Variants in PVT1 observed in about 807,000 individuals in gnomAD.
The protein encoded by PVT1 is CXCR4/PVT1 fusion.
intron 4 of PVT1, chr8:128,009,534 C>A (rs1188094085): frequency 1.3e-5 from 2 of 151,644 alleles, no homozygotes; most frequent in Non-Finnish European, 2.9e-5. Flanking sequence ...ATTAAATGAA[C>A]CTTTAACTAG....
intron 5 of PVT1, among the ~76,000 whole-genome samples, chr8:128,092,943 A>G (rs1814379182): frequency 6.6e-6 from 1 of 152,108 alleles, no homozygotes. Flanking sequence ...CTTGCTGCGC[A>G]CGGTGCCCCC....
chr8:127,863,376 C>G (rs914750203), intron 2 of PVT1, among the ~76,000 whole-genome samples: 1 of 152,178 alleles, frequency 6.6e-6, no homozygotes, highest in African/African-American at 2.4e-5. Context: ...TCCCAAAATG[C>G]TGGGATGACA....
intron 4 of PVT1, among the ~76,000 whole-genome samples, chr8:128,032,558 G>A (rs979057229): frequency 6.6e-6 from 1 of 152,152 alleles, no homozygotes; most frequent in African/African-American, 2.4e-5. Context: ...CCATAATTGC[G>A]TCAGTTAATT....
At chr8:127,972,774 G>T (rs1163648783) in intron 3 of PVT1, among the ~76,000 whole-genome samples, 1 of 152,086 alleles carries the variant, frequency 6.6e-6, no homozygotes, top group Non-Finnish European at 1.5e-5. Context: ...AAATAGCTTT[G>T]CCAGGGTTCC....
intron 4 of PVT1, among the ~76,000 whole-genome samples, chr8:128,034,034 A>G (rs1318864531): frequency 2.0e-5 from 3 of 150,210 alleles, no homozygotes; most frequent in Non-Finnish European, 2.9e-5. Flanking sequence ...CTGTGAGCTT[A>G]CAGGTGGTAC....
chr8:127,829,887 C>T (rs1814831652), intron 2 of PVT1, among the ~76,000 whole-genome samples: 1 of 152,176 alleles, frequency 6.6e-6, no homozygotes, highest in African/African-American at 2.4e-5. Flanking sequence ...CACATGAAGG[C>T]TCCGAAAAAT....
At chr8:127,869,756 A>G (rs1212743464) in intron 2 of PVT1, among the ~76,000 whole-genome samples, 2 of 152,176 alleles carry the variant, frequency 1.3e-5, no homozygotes, top group African/African-American at 4.8e-5. Context: ...CCCAAAATTC[A>G]TGCCTGTATG....
intron 4 of PVT1, chr8:128,049,312 G>A (rs998682870): frequency 4.3e-5 from 18 of 414,378 alleles, no homozygotes; most frequent in South Asian, 1.0e-4. Context: ...CAGGGCAAGG[G>A]AGAGTGAATG....
intron 2 of PVT1, among the ~76,000 whole-genome samples, chr8:127,874,906 GT>G (rs1488130222): frequency 5.7e-5 from 5 of 87,168 alleles, no homozygotes; most frequent in African/African-American, 3.6e-4. Context: ...GCCTCCAGGT[GT>G]GTGTGTGTGT....
chr8:127,988,805 T>G (rs1364856070), intron 3 of PVT1, among the ~76,000 whole-genome samples: 1 of 152,142 alleles, frequency 6.6e-6, no homozygotes, highest in African/African-American at 2.4e-5. Flanking sequence ...TACCTAGTAT[T>G]CTTGGAAGAA....
intron 3 of PVT1, among the ~76,000 whole-genome samples, chr8:127,937,584 G>C (rs867662875): frequency 0.017 from 2,151 of 128,568 alleles, 15 homozygotes; most frequent in African/African-American, 0.026. Flanking sequence ...CACACACAGA[G>C]AGAGAGAGAG....
At chr8:127,991,377 C>A (rs1183872741) in intron 4 of PVT1, among the ~76,000 whole-genome samples, 1 of 151,950 alleles carries the variant, frequency 6.6e-6, no homozygotes, top group Non-Finnish European at 1.5e-5. Flanking sequence ...ATCTCCTGAC[C>A]TTGTGATCTG....
chr8:128,008,989 CTA>C (rs1491009715), intron 4 of PVT1: 4 of 509,668 alleles, frequency 7.8e-6, no homozygotes, highest in Non-Finnish European at 1.7e-5. Flanking sequence ...TTGCAGCCAC[CTA>C]TTCCCAGGCA....
intron 3 of PVT1, among the ~76,000 whole-genome samples, chr8:127,938,774 G>A (rs893492154): frequency 6.6e-6 from 1 of 152,166 alleles, no homozygotes; most frequent in African/African-American, 2.4e-5. Flanking sequence ...TTGCCTTTGC[G>A]TTCCTCTGCC....
chr8:127,974,742 A>G (rs189215681), intron 3 of PVT1, among the ~76,000 whole-genome samples: 16 of 152,336 alleles, frequency 1.1e-4, no homozygotes. Context: ...GTCATTTATT[A>G]CACAGCATTG....
At chr8:127,804,719 C>A (rs1048210445) in intron 2 of PVT1, among the ~76,000 whole-genome samples, 7 of 140,714 alleles carry the variant, frequency 5.0e-5, no homozygotes, top group African/African-American at 1.8e-4. Context: ...CTTTCTTTTT[C>A]TTTTTTTTTT....
At chr8:127,872,626 A>G (rs1363119201) in intron 2 of PVT1, among the ~76,000 whole-genome samples, 2 of 152,210 alleles carry the variant, frequency 1.3e-5, no homozygotes, top group Non-Finnish European at 2.9e-5. Context: ...AATAACTTCA[A>G]ACACTACAGA....
intron 4 of PVT1, among the ~76,000 whole-genome samples, chr8:128,057,881 G>A (rs61292013): frequency 0.011 from 1,679 of 152,312 alleles, 35 homozygotes; most frequent in African/African-American, 0.038. Context: ...GGCTCACATG[G>A]TGGTATCATT....
intron 4 of PVT1, among the ~76,000 whole-genome samples, chr8:128,069,293 T>G (rs763677716): frequency 3.3e-5 from 5 of 152,234 alleles, no homozygotes; most frequent in Non-Finnish European, 7.3e-5. Flanking sequence ...CTTCTCTTTT[T>G]TTATAGCTTG....
Sources: gnomAD v4.1 joint callset for allele counts (sites outside exome capture counted in the v4.1 genomes callset) on GRCh38, gnomAD v4.1.1 for gene constraint, MANE v1.5 for transcripts, NCBI Gene and HGNC (gene_info 2026-07-23, HGNC 2026-07-21) for gene names.